The following MINDY2 variants were observed in gnomAD, a reference collection of about 807,000 sequenced individuals.
The protein encoded by MINDY2 is MINDY lysine 48 deubiquitinase 2.
A neutral mutation model predicts 68.2 loss-of-function variants in MINDY2; 52 were observed. That is an observed-to-expected ratio of 0.76 (90% CI 0.61 to 0.96). The LOEUF is 0.96. MINDY2 is among the 40% of genes least tolerant of loss of function. The pLI is 0.00. For synonymous variants in MINDY2, 372 were observed against 303.0 expected, an observed-to-expected ratio of 1.23 and a Z score of -2.36; for missense variants, 881 against 773.4, an observed-to-expected ratio of 1.14 and a Z score of -1.65.
At position 58,794,304 on chromosome 15, in the gene MINDY2, T is replaced by A. The variant is rs144177219; in HGVS notation, c.898+6341T>A. On this transcript the variant is annotated intron_variant, in intron 2 of 8. Transcript: ENST00000559228. ...GGAATTTTTGGTAATAATGAAACTG[T>A]ATTACCATGGGAAATGAGTTTCTGA... 1.6e-3 allele frequency among the ~76,000 whole-genome samples: 245 copies of A among 152,136 alleles called. 1 individual carries two copies. The highest frequency in any genetic ancestry group is 5.5e-3 in the African/African-American group (229 of 41,508).
intron 3 of MINDY2, among the ~76,000 whole-genome samples, chr15:58,803,605 C>A (rs1276069925): frequency 1.3e-5 from 2 of 151,822 alleles, no homozygotes; most frequent in African/African-American, 4.8e-5. Context: ...TCACTTGAGG[C>A]CAGGAGTTCG....
In MINDY2 at chr15:58,857,999, ATG is replaced by A. The variant is rs1377939312; in HGVS notation, c.*3395_*3396del. On this transcript the variant is annotated 3_prime_UTR_variant, in exon 9 of 9. Transcript: ENST00000559228. Reference sequence around the variant, plus strand: ...ATCAACACTTAAAAGTACTTTACATATGTGTGTTTCTGAAGCAAGTTTTCATG... The same window carrying A: ...ATCAACACTTAAAAGTACTTTACATATGTGTTTCTGAAGCAAGTTTTCATG... 6.6e-6 allele frequency: 1 copy of A among 152,218 alleles called. No homozygotes were observed. Among genetic ancestry groups the A allele is most frequent in the Non-Finnish European group, 1.5e-5 (1 of 68,032 alleles). The allele number at this position is 152,218 out of a possible 1,614,324, so 9.4% of individuals were successfully genotyped here.
chr15:58,796,572 T>C (rs1221076214), intron 2 of MINDY2, among the ~76,000 whole-genome samples: 2 of 152,234 alleles, frequency 1.3e-5, no homozygotes, highest in Non-Finnish European at 2.9e-5. Context: ...TTGCCCAAGC[T>C]GGAGTGCAGT....
intron 5 of MINDY2, among the ~76,000 whole-genome samples, chr15:58,823,862 A>G (rs886977518): frequency 2.0e-5 from 3 of 152,210 alleles, no homozygotes; most frequent in African/African-American, 7.2e-5. Context: ...ATGGGGAAAA[A>G]AATTCCACTC....
intron 2 of MINDY2, among the ~76,000 whole-genome samples, chr15:58,801,131 G>A (rs1051196439): frequency 2.0e-5 from 3 of 151,740 alleles, no homozygotes; most frequent in Non-Finnish European, 4.4e-5. Context: ...ATGCCACTAC[G>A]CCTGGCTAAT....
intron 3 of MINDY2, among the ~76,000 whole-genome samples, chr15:58,807,442 G>A (rs757475783): frequency 7.1e-6 from 1 of 140,034 alleles, no homozygotes; most frequent in Non-Finnish European, 1.5e-5. Context: ...TGCAAGCTCC[G>A]CCTCCCGGGT....
chr15:58,783,846 G>C (rs1180465630), intron 1 of MINDY2, among the ~76,000 whole-genome samples: 2 of 152,136 alleles, frequency 1.3e-5, no homozygotes, highest in Non-Finnish European at 2.9e-5. Flanking sequence ...GTGGGAGGTG[G>C]AGGTGGGAGC....
chr15:58,783,925 G>A (rs1832114632), intron 1 of MINDY2, among the ~76,000 whole-genome samples: 2 of 152,102 alleles, frequency 1.3e-5, no homozygotes, highest in Admixed American at 1.3e-4. Flanking sequence ...CAGCCTGGAC[G>A]ATAGAATAAT....
At chr15:58,793,762 G>A (rs1488430964) in intron 2 of MINDY2, among the ~76,000 whole-genome samples, 2 of 152,308 alleles carry the variant, frequency 1.3e-5, no homozygotes, top group Non-Finnish European at 2.9e-5. Context: ...CGTCTCTTGA[G>A]TGCTTCTATT....
intron 5 of MINDY2, among the ~76,000 whole-genome samples, chr15:58,828,633 C>T (rs1228334767): frequency 2.9e-5 from 4 of 137,332 alleles, no homozygotes; most frequent in Non-Finnish European, 6.0e-5. Context: ...GCGATCTCGG[C>T]TCACTGAAAG....
chr15:58,793,751 G>T (rs754279247), intron 2 of MINDY2, among the ~76,000 whole-genome samples: 1 of 152,146 alleles, frequency 6.6e-6, no homozygotes, highest in South Asian at 2.1e-4. Context: ...TGGTTGCAGC[G>T]CGTCTCTTGA....
At chr15:58,802,056 A>G (rs924638814) in intron 2 of MINDY2, among the ~76,000 whole-genome samples, 2 of 152,074 alleles carry the variant, frequency 1.3e-5, no homozygotes, top group African/African-American at 4.8e-5. Flanking sequence ...GGACCTTTAT[A>G]CATAATAACA....
intron 6 of MINDY2, among the ~76,000 whole-genome samples, chr15:58,846,851 G>T (rs2032563175): frequency 6.6e-6 from 1 of 151,970 alleles, no homozygotes; most frequent in Non-Finnish European, 1.5e-5. Flanking sequence ...GTGTATAAAA[G>T]AAGAGCAACT....
chr15:58,777,914 GT>G (rs1482373721), intron 1 of MINDY2, among the ~76,000 whole-genome samples: 1 of 151,900 alleles, frequency 6.6e-6, no homozygotes, highest in Non-Finnish European at 1.5e-5. Flanking sequence ...ATACATTTTT[GT>G]TTTGCTTCTT....
chr15:58,845,765 T>A (rs2032499352), intron 6 of MINDY2, among the ~76,000 whole-genome samples: 2 of 152,222 alleles, frequency 1.3e-5, no homozygotes, highest in Non-Finnish European at 1.5e-5. Flanking sequence ...ATTGCAGCAC[T>A]ATTCGCAATA....
At chr15:58,796,925 C>G (rs1446215141) in intron 2 of MINDY2, among the ~76,000 whole-genome samples, 1 of 152,164 alleles carries the variant, frequency 6.6e-6, no homozygotes, top group East Asian at 1.9e-4. Context: ...ACCCTACTTT[C>G]CTTGTTCTCA....
intron 2 of MINDY2, among the ~76,000 whole-genome samples, chr15:58,799,408 A>C (rs1279327299): frequency 6.6e-6 from 1 of 152,136 alleles, no homozygotes; most frequent in African/African-American, 2.4e-5. Context: ...TTTACTAAAA[A>C]TACAAAAAAT....
chr15:58,852,810 C>T lies in MINDY2; in HGVS notation c.1737+845C>T, dbSNP rs569633153. 3.8e-4 allele frequency among the ~76,000 whole-genome samples: 57 copies of T among 151,702 alleles called. 2 individuals are homozygous for T. Among genetic ancestry groups the T allele is most frequent in the Non-Finnish European group, 1.5e-4 (10 of 67,994 alleles). On this transcript the variant is annotated intron_variant, in intron 8 of 8. Transcript: ENST00000559228. ...CTACTTTTCACTTTCTGTAGTTAAA[C>T]GGTTTAAAGCACTGAAAATTTAATG... is the stretch of plus-strand genomic sequence containing the variant.
At chr15:58,786,633 A>G (rs567616258) in intron 1 of MINDY2, among the ~76,000 whole-genome samples, 21 of 152,304 alleles carry the variant, frequency 1.4e-4, no homozygotes, top group African/African-American at 4.8e-4. Context: ...AAAATACATA[A>G]AACAGATATC....
Sources: allele counts gnomAD v4.1 joint callset (sites outside exome capture counted in the v4.1 genomes callset), GRCh38; gene constraint gnomAD v4.1.1; transcripts MANE v1.5; gene names NCBI Gene and HGNC (gene_info 2026-07-23, HGNC 2026-07-21).